The following RAI1 variants were observed in gnomAD, a reference collection of about 807,000 sequenced individuals.
The protein encoded by RAI1 is retinoic acid-induced protein 1.
Under a neutral mutation model 123.8 loss-of-function variants are expected in RAI1, and 9 were observed. The ratio of observed to expected loss-of-function variants is 0.07; its 90% confidence interval spans 0.04 to 0.13. RAI1 has a LOEUF of 0.13. Ranked by LOEUF, RAI1 falls within the 10% of genes least tolerant of loss-of-function variation. RAI1 has a pLI of 1.00. For missense variants in RAI1, 2,256 were observed against 2,545.8 expected, an observed-to-expected ratio of 0.89 and a Z score of 2.45; for synonymous variants, 1,231 against 1,127.3, an observed-to-expected ratio of 1.09 and a Z score of -1.84.
At chr17:17,702,519 C>T (rs950012980) in intron 1 of RAI1, among the ~76,000 whole-genome samples, 1 of 152,206 alleles carries the variant, frequency 6.6e-6, no homozygotes, top group Non-Finnish European at 1.5e-5. Context: ...CATTCTTGTC[C>T]CCAGATGTCC....
chr17:17,808,401 TTTATTTTATTTTA>T (rs1431064021), intron 4 of RAI1, among the ~76,000 whole-genome samples: 4 of 102,368 alleles, frequency 3.9e-5, no homozygotes, highest in Admixed American at 1.2e-4. Context: ...TTTATTTTAT[TTTATTTTATTTTA>T]TTATTTTATT....
At chr17:17,735,786 G>A (rs1916414641) in intron 2 of RAI1, among the ~76,000 whole-genome samples, 1 of 152,198 alleles carries the variant, frequency 6.6e-6, no homozygotes, top group South Asian at 2.1e-4. Flanking sequence ...CCTCTCTTTT[G>A]TGGTCCCTTC....
chr17:17,754,654 T>C (rs1436277896), intron 2 of RAI1, among the ~76,000 whole-genome samples: 1 of 152,206 alleles, frequency 6.6e-6, no homozygotes, highest in Non-Finnish European at 1.5e-5. Flanking sequence ...TGTAAACTGT[T>C]ATTAAAGCCA....
intron 1 of RAI1, among the ~76,000 whole-genome samples, chr17:17,705,394 C>T (rs1211564040): frequency 6.6e-6 from 1 of 152,090 alleles, no homozygotes; most frequent in Non-Finnish European, 1.5e-5. Flanking sequence ...CTCTGGGAGC[C>T]CAAGGCAGGC....
In RAI1 at chr17:17,799,677, G is replaced by C. The variant is rs2032389612; in HGVS notation, c.5565+1164G>C. Reference sequence around the variant, plus strand: ...GGTCACAGGGGAGCCAGAGGGGCTTGGCAGGGGTCTCCAGAGGCCCTGGAC... The same window carrying C: ...GGTCACAGGGGAGCCAGAGGGGCTTCGCAGGGGTCTCCAGAGGCCCTGGAC... On this transcript the variant is annotated intron_variant, in intron 3 of 5. Coordinates refer to ENST00000353383, the MANE Select transcript of RAI1 (RefSeq NM_030665.4). This position sits in a 1 kb window ranked among gnomAD's most constrained non-coding sequence, Gnocchi z 4.5. Among the ~76,000 whole-genome samples, 1 of 152,186 alleles carries C rather than the reference G, an allele frequency of 6.6e-6. No homozygotes were observed.
intron 2 of RAI1, chr17:17,779,047 G>A (rs936373427): frequency 1.1e-5 from 4 of 376,128 alleles, no homozygotes; most frequent in East Asian, 1.5e-4. Flanking sequence ...AGTTGCCCTC[G>A]CCTGGTTTTT....
intron 1 of RAI1, among the ~76,000 whole-genome samples, chr17:17,694,443 C>G (rs1216180266): frequency 6.6e-6 from 1 of 152,122 alleles, no homozygotes; most frequent in Non-Finnish European, 1.5e-5. Flanking sequence ...CCAACCTGGC[C>G]CACCTCTCAG....
chr17:17,723,714 C>T (rs1269182826), intron 1 of RAI1, among the ~76,000 whole-genome samples: 1 of 146,306 alleles, frequency 6.8e-6, no homozygotes, highest in Non-Finnish European at 1.5e-5. Flanking sequence ...CTCCTCCCTT[C>T]CCCCGAGTCT....
At chr17:17,708,540 C>T (rs1392275596) in intron 1 of RAI1, among the ~76,000 whole-genome samples, 2 of 152,270 alleles carry the variant, frequency 1.3e-5, no homozygotes, top group Non-Finnish European at 2.9e-5. Context: ...TCCTGAGTAG[C>T]TGGAACTACA....
At chr17:17,766,485 T>C (rs1046316668) in intron 2 of RAI1, among the ~76,000 whole-genome samples, 3 of 152,220 alleles carry the variant, frequency 2.0e-5, no homozygotes, top group Non-Finnish European at 2.9e-5. Flanking sequence ...CTGTAAGCTC[T>C]TCTCAGGCCA....
At chr17:17,746,758 C>T (rs1598050728) in intron 2 of RAI1, among the ~76,000 whole-genome samples, 1 of 151,472 alleles carries the variant, frequency 6.6e-6, no homozygotes, top group East Asian at 1.9e-4. Context: ...GCCTCAGCCT[C>T]CCAAGTAGCT....
chr17:17,702,039 G>A (rs1303507481), intron 1 of RAI1, among the ~76,000 whole-genome samples: 1 of 152,260 alleles, frequency 6.6e-6, no homozygotes, highest in Non-Finnish European at 1.5e-5. Flanking sequence ...AACTGGGAAG[G>A]CTGGGAGAGG....
intron 2 of RAI1, among the ~76,000 whole-genome samples, chr17:17,782,618 C>T (rs1348573237): frequency 7.1e-5 from 2 of 27,982 alleles, no homozygotes; most frequent in African/African-American, 2.9e-4. Context: ...GCCACGGGGG[C>T]GGGGGGTTGG....
At chr17:17,787,227 G>T (rs1195244275) in intron 2 of RAI1, among the ~76,000 whole-genome samples, 2 of 152,164 alleles carry the variant, frequency 1.3e-5, no homozygotes, top group Non-Finnish European at 2.9e-5. Flanking sequence ...CCTTGGTCTT[G>T]CTAGGCCCAG....
chr17:17,793,749 T>A lies in RAI1; in HGVS notation c.801T>A (p.His267Gln). ...LAPGQRVQNL[H>Q]AYQSGRLSYD... is the part of the protein sequence containing the mutation. ...CGGGGCAGCGGGTCCAGAATCTTCA[T>A]GCCTACCAGTCGGGCCGCCTCAGCT... The change falls in exon 3 of 6, where the codon CAT (histidine) becomes CAA (glutamine). Residue 267 changes from histidine to glutamine, a missense_variant. Physicochemically the swap from His to Gln is conservative, Grantham distance 24. Transcript: ENST00000353383. 1 of 1,612,636 alleles carries A rather than the reference T, an allele frequency of 6.2e-7. No individual in the cohort carries two copies. The highest frequency in any genetic ancestry group is 8.5e-7 in the Non-Finnish European group (1 of 1,179,968).
intron 2 of RAI1, among the ~76,000 whole-genome samples, chr17:17,746,737 G>A (rs2029940308): frequency 1.4e-5 from 2 of 145,214 alleles, no homozygotes; most frequent in African/African-American, 5.0e-5. Context: ...CCAGGTTCAA[G>A]CAATTCTCCT....
chr17:17,705,694 C>T (rs1915370837), intron 1 of RAI1, among the ~76,000 whole-genome samples: 1 of 152,018 alleles, frequency 6.6e-6, no homozygotes, highest in African/African-American at 2.4e-5. Flanking sequence ...CCACTCTACT[C>T]TGGCCTGGGC....
rs1803650994 is a variant in RAI1, at chr17:17,801,575, A to G, written c.5566-2181A>G. Among the ~76,000 whole-genome samples, 1 of 152,224 alleles carries G rather than the reference A, an allele frequency of 6.6e-6. No homozygotes were observed. Among genetic ancestry groups the G allele is most frequent in the African/African-American group, 2.4e-5 (1 of 41,456 alleles). ...TGTGTTTCGTCATCCCTTTTGGGTC[A>G]GGAACTGGGGACGCTGGACTCCAGA... On this transcript the variant is annotated intron_variant, in intron 3 of 5. Transcript: ENST00000353383. The surrounding 1 kb of genome is among the most constrained non-coding windows in gnomAD (Gnocchi z 4.1).
chr17:17,808,952 C>T (rs1330918318), intron 4 of RAI1, among the ~76,000 whole-genome samples: 2 of 152,164 alleles, frequency 1.3e-5, no homozygotes, highest in Non-Finnish European at 2.9e-5. Context: ...GCTGGGCATA[C>T]ATCCAGGGAA....
Sources: allele counts gnomAD v4.1 joint callset (sites outside exome capture counted in the v4.1 genomes callset), GRCh38; gene constraint gnomAD v4.1.1; non-coding constraint Gnocchi (gnomAD v3.1); transcripts MANE v1.5; gene names NCBI Gene and HGNC (gene_info 2026-07-23, HGNC 2026-07-21).